Variants in UBE3C observed in about 807,000 individuals in gnomAD.
The protein encoded by UBE3C is ubiquitin-protein ligase E3C.
A neutral mutation model predicts 129.4 loss-of-function variants in UBE3C; 42 were observed. That is an observed-to-expected ratio of 0.32 (90% confidence interval 0.25 to 0.42). The LOEUF (loss-of-function observed/expected upper bound fraction) is 0.42. Among genes scored for constraint, UBE3C ranks in the 10% least tolerant of loss-of-function variants. The pLI is 1.00. For missense variants in UBE3C, 1,049 were observed against 1,319.1 expected (o/e 0.80, Z 3.17); for synonymous variants, 510 against 492.4 (o/e 1.04, Z -0.47).
chr7:157,226,138 C>T (rs543137035), intron 17 of UBE3C, among the ~76,000 whole-genome samples: 8 of 152,146 alleles, frequency 5.3e-5, no homozygotes, highest in African/African-American at 1.2e-4. Context: ...CTAAAAATCT[C>T]GATGGTAGCC....
chr7:157,178,718 T>C lies in UBE3C; in HGVS notation c.487T>C (p.Leu163=). ...RLLQNCNDDS[L]NVALPMRMLE... ...GCTGCAAAACTGTAATGATGACAGT[T>C]TGAATGTTGCACTTCCAATGAGAAT... Residue 163 remains leucine (L), a synonymous_variant, in exon 6 of 23, where the codon TTG becomes CTG. Coordinates refer to ENST00000348165, the MANE Select transcript of UBE3C (RefSeq NM_014671.3). 1.9e-6 allele frequency: 3 copies of C among 1,614,168 alleles called. No homozygotes were observed. The highest frequency in any genetic ancestry group is 2.5e-6 in the Non-Finnish European group (3 of 1,180,000).
chr7:157,206,925 G>T (rs1174820502), intron 11 of UBE3C, among the ~76,000 whole-genome samples: 1 of 152,196 alleles, frequency 6.6e-6, no homozygotes, highest in Non-Finnish European at 1.5e-5. Flanking sequence ...TTCCAGTTTG[G>T]CTTCAATATT....
chr7:157,173,627 G>A (rs966998842), intron 4 of UBE3C, among the ~76,000 whole-genome samples: 1 of 152,034 alleles, frequency 6.6e-6, no homozygotes, highest in Non-Finnish European at 1.5e-5. Context: ...TTTAATTCTG[G>A]AATTAATTGC....
At chr7:157,186,367 C>T (rs567243530) in intron 9 of UBE3C, among the ~76,000 whole-genome samples, 12 of 150,646 alleles carry the variant, frequency 8.0e-5, no homozygotes, top group Non-Finnish European at 1.5e-4. Context: ...TGCAGTGAGC[C>T]GAGATTGTGC....
intron 9 of UBE3C, 113 bp downstream of exon 9, chr7:157,184,142 T>A: frequency 7.1e-7 from 1 of 1,401,696 alleles, no homozygotes; most frequent in Non-Finnish European, 9.6e-7. Flanking sequence ...TCAAGCAGCC[T>A]TTGCAGAGAA....
intron 21 of UBE3C, among the ~76,000 whole-genome samples, chr7:157,254,721 C>T (rs940129802): frequency 6.6e-6 from 1 of 151,868 alleles, no homozygotes; most frequent in African/African-American, 2.4e-5. Flanking sequence ...TTATTGTACT[C>T]TTTTGTAGGG....
intron 13 of UBE3C, among the ~76,000 whole-genome samples, chr7:157,216,466 C>T (rs769511261): frequency 4.0e-5 from 6 of 151,682 alleles, no homozygotes; most frequent in Non-Finnish European, 7.4e-5. Context: ...GTATTAAGCT[C>T]GGTCCCCAGT....
Position 157,183,875 on chromosome 7 carries a change from A to T in UBE3C, c.992-3A>T. 1 of 1,609,702 alleles carries T rather than the reference A, an allele frequency of 6.2e-7. No homozygotes were observed. The highest frequency in any genetic ancestry group is 2.2e-5 in the East Asian group (1 of 44,814). ...ATACGTTTTAACTGATTGTTTTGCA[A>T]AGGGGCCCTCTCTGAGGAAGGGCTG... On this transcript the variant is annotated splice_region_variant and splice_polypyrimidine_tract_variant and intron_variant, in intron 8 of 22. Coordinates refer to ENST00000348165, the MANE Select transcript of UBE3C (RefSeq NM_014671.3).
At chr7:157,233,058 C>T (rs563159619) in intron 18 of UBE3C, among the ~76,000 whole-genome samples, 1 of 152,218 alleles carries the variant, frequency 6.6e-6, no homozygotes, top group Non-Finnish European at 1.5e-5. Flanking sequence ...TGCCCTTCCT[C>T]CCCCAGCCCT....
chr7:157,151,793 G>A (rs910612199), intron 1 of UBE3C, among the ~76,000 whole-genome samples: 1 of 152,178 alleles, frequency 6.6e-6, no homozygotes, highest in East Asian at 1.9e-4. Context: ...AAGTCAGTCA[G>A]CCCTTGGTTT....
intron 4 of UBE3C, among the ~76,000 whole-genome samples, chr7:157,173,740 T>C (rs1419494059): frequency 6.6e-6 from 1 of 152,202 alleles, no homozygotes; most frequent in Non-Finnish European, 1.5e-5. Flanking sequence ...ATTTGTTAAC[T>C]GATAATAGAA....
chr7:157,174,324 A>T (rs1218089467), intron 4 of UBE3C, among the ~76,000 whole-genome samples: 2 of 152,174 alleles, frequency 1.3e-5, no homozygotes, highest in African/African-American at 2.4e-5. Flanking sequence ...TTTTTATTAC[A>T]GATTTCTGAT....
rs189131771 is a variant in UBE3C, at chr7:157,145,802, T to C, written c.66+6464T>C. 1.9e-3 allele frequency among the ~76,000 whole-genome samples: 289 copies of C among 152,338 alleles called. 1 individual carries two copies. Among genetic ancestry groups the C allele is most frequent in the African/African-American group, 6.3e-3 (264 of 41,578 alleles). Reference sequence around the variant, plus strand: ...GGTTTACGGTTTACAGAATAATTGATGGGAAACTATAATAGAGTCCTCAAA... The same window carrying C: ...GGTTTACGGTTTACAGAATAATTGACGGGAAACTATAATAGAGTCCTCAAA... On this transcript the variant is annotated intron_variant, in intron 1 of 22. Coordinates refer to ENST00000348165, the MANE Select transcript of UBE3C (RefSeq NM_014671.3).
At chr7:157,163,652 T>A (rs1225972382) in intron 1 of UBE3C, among the ~76,000 whole-genome samples, 158 bp from the exon 2 acceptor site, 1 of 152,242 alleles carries the variant, frequency 6.6e-6, no homozygotes, top group African/African-American at 2.4e-5. Flanking sequence ...ACCATTTAAC[T>A]TCTTGTGCCT....
Position 157,139,012 on chromosome 7 carries a change from C to T in UBE3C, c.-261C>T, listed in dbSNP as rs1285985331. ...CGGGTTTGCTGCCCGCTGGGCGCCC[C>T]TGCAGCGGCCCGAGCTGTGGCCGGC... is the stretch of plus-strand genomic sequence containing the variant. On this transcript the variant is annotated 5_prime_UTR_variant, in exon 1 of 23. Transcript: ENST00000348165. The T allele has an allele frequency of 6.5e-6, 1 of 153,960 alleles. No individual in the cohort carries two copies. The highest frequency in any genetic ancestry group is 2.4e-5 in the African/African-American group (1 of 41,440). The allele number at this position is 153,960 out of a possible 1,614,324, so 9.5% of individuals were successfully genotyped here. A position where few individuals can be genotyped will look rare whatever the true frequency, so the allele number is the denominator to read the frequency against.
intron 18 of UBE3C, among the ~76,000 whole-genome samples, chr7:157,245,657 A>G (rs1383315455): frequency 2.0e-5 from 3 of 152,218 alleles, no homozygotes; most frequent in Non-Finnish European, 4.4e-5. Flanking sequence ...AAATAAAAGC[A>G]CAAGGACATA....
intron 2 of UBE3C, 32 bp downstream of exon 2, chr7:157,163,895 A>C: frequency 6.2e-7 from 1 of 1,604,790 alleles, no homozygotes; most frequent in South Asian, 1.1e-5. Context: ...TCTGTAGATA[A>C]GCATTTTTTC....
chr7:157,169,157 C>A, intron 3 of UBE3C, 35 bp downstream of exon 3: 1 of 1,532,306 alleles, frequency 6.5e-7, no homozygotes, highest in South Asian at 1.1e-5. Flanking sequence ...ATTAGTAGGG[C>A]ATGGGAGAGC....
chr7:157,190,528 G>A (rs911654375), intron 10 of UBE3C, among the ~76,000 whole-genome samples: 1 of 152,080 alleles, frequency 6.6e-6, no homozygotes, highest in Non-Finnish European at 1.5e-5. Flanking sequence ...TACCTTATTG[G>A]ACATCACAGA....
Sources: allele counts gnomAD v4.1 joint callset (sites outside exome capture counted in the v4.1 genomes callset), GRCh38; gene constraint gnomAD v4.1.1; transcripts MANE v1.5; gene names NCBI Gene and HGNC (gene_info 2026-07-23, HGNC 2026-07-21).